The following ITPR1 variants were observed in gnomAD, a reference collection of about 807,000 sequenced individuals.
ITPR1 encodes inositol 1,4,5-trisphosphate-gated calcium channel ITPR1.
A neutral mutation model predicts 318.4 loss-of-function variants in ITPR1; 96 were observed. That is an observed-to-expected ratio of 0.30 (90% confidence interval 0.26 to 0.36). The LOEUF (loss-of-function observed/expected upper bound fraction) is 0.36, where lower values mean the gene tolerates loss of function less well. ITPR1 is among the 10% of genes least tolerant of loss of function. The pLI is 1.00. For synonymous variants in ITPR1, 1,312 were observed against 1,289.9 expected (o/e 1.02, Z -0.37); for missense variants, 2,440 against 3,460.2 (o/e 0.71, Z 7.40).
rs1391764910 is a variant in ITPR1, at chr3:4,745,486, G to A, written c.5544+10132G>A. ...GGTTTCAGGTTAGTCACTCCCTTAT[G>A]GCTTAATGCTGTGCTATTTCTGTGC... On this transcript the variant is annotated intron_variant, in intron 44 of 61. Coordinates refer to ENST00000649015, the MANE Select transcript of ITPR1 (RefSeq NM_001378452.1). Among the ~76,000 whole-genome samples the A allele has an allele frequency of 4.6e-5, 7 of 152,138 alleles. No homozygotes were observed. In the East Asian group the frequency reaches 7.7e-4, roughly 17 times the overall value.
intron 5 of ITPR1, among the ~76,000 whole-genome samples, chr3:4,636,199 TG>T (rs1473467532): frequency 6.6e-6 from 1 of 152,102 alleles, no homozygotes; most frequent in African/African-American, 2.4e-5. Flanking sequence ...TGAACTGAAA[TG>T]AATTAAATTT....
intron 4 of ITPR1, among the ~76,000 whole-genome samples, chr3:4,551,350 G>C (rs2085545327): frequency 6.6e-6 from 1 of 152,142 alleles, no homozygotes; most frequent in Non-Finnish European, 1.5e-5. Flanking sequence ...CCTCACTTTT[G>C]GTGCTGAGAT....
chr3:4,812,465 T>C (rs2049000601), intron 56 of ITPR1, among the ~76,000 whole-genome samples: 1 of 152,190 alleles, frequency 6.6e-6, no homozygotes, highest in South Asian at 2.1e-4. Context: ...AGTGAGCTCA[T>C]GTTATTTTTA....
intron 30 of ITPR1, among the ~76,000 whole-genome samples, chr3:4,687,861 C>T (rs959783559): frequency 2.6e-5 from 4 of 152,106 alleles, no homozygotes; most frequent in African/African-American, 7.2e-5. Flanking sequence ...AGAGGAGTTA[C>T]GGCAGGCACA....
intron 4 of ITPR1, among the ~76,000 whole-genome samples, chr3:4,611,231 C>CAAAAAAA (rs748883296): frequency 1.4e-4 from 14 of 101,014 alleles, no homozygotes; most frequent in African/African-American, 3.7e-4. Flanking sequence ...CTCATCTCTA[C>CAAAAAAA]AAAAAAAAAA....
chr3:4,681,629 G>GTGTGTGTGTGTGTGTA (rs2094302871), intron 26 of ITPR1, among the ~76,000 whole-genome samples: 1 of 142,826 alleles, frequency 7.0e-6, no homozygotes, highest in African/African-American at 2.9e-5. Context: ...GAGAAAGTGT[G>GTGTGTGTGTGTGTGTA]TGTGTGTGTG....
rs542498372 is a variant in ITPR1, at chr3:4,757,554, G to A, written c.5545-8976G>A. 1.4e-3 allele frequency among the ~76,000 whole-genome samples: 207 copies of A among 152,282 alleles called. 2 individuals are homozygous for A. The highest frequency in any genetic ancestry group is 4.5e-3 in the African/African-American group (189 of 41,542). ...GCTCAGGGGAGAGGTGTTTAACAGA[G>A]CATGTGGTTGGGAACAGGGCTGAGG... On this transcript the variant is annotated intron_variant, in intron 44 of 61. Coordinates refer to ENST00000649015, the MANE Select transcript of ITPR1 (RefSeq NM_001378452.1).
At chr3:4,724,492 A>C (rs1312667602) in intron 40 of ITPR1, 1 of 152,184 alleles carries the variant, frequency 6.6e-6, no homozygotes, top group Non-Finnish European at 1.5e-5. Flanking sequence ...AGTGTGCTGG[A>C]GCCCTGTTAG....
intron 2 of ITPR1, among the ~76,000 whole-genome samples, chr3:4,497,285 C>T (rs2080664206): frequency 6.6e-6 from 1 of 152,140 alleles, no homozygotes; most frequent in African/African-American, 2.4e-5. Context: ...TAGTTTAAGG[C>T]ACATGGTGTG....
chr3:4,671,990 G>T (rs998375066), intron 20 of ITPR1, among the ~76,000 whole-genome samples: 2 of 152,150 alleles, frequency 1.3e-5, no homozygotes, highest in African/African-American at 4.8e-5. Context: ...AAGCCATATT[G>T]AATATATCTG....
chr3:4,530,555 G>A (rs2083331325), intron 4 of ITPR1, among the ~76,000 whole-genome samples: 1 of 152,194 alleles, frequency 6.6e-6, no homozygotes, highest in Admixed American at 6.5e-5. Flanking sequence ...AGGCCAAGGC[G>A]GGAGGATGGC....
At chr3:4,726,742 T>C (rs1179884755) in intron 41 of ITPR1, among the ~76,000 whole-genome samples, 1 of 152,250 alleles carries the variant, frequency 6.6e-6, no homozygotes. Flanking sequence ...TCCTTATGCA[T>C]GTGCTGTGCA....
rs766020180 is a variant in ITPR1, at chr3:4,673,122, G to T, written c.2205-14G>T. The stretch of plus-strand genomic sequence containing the variant: ...TCTGGAGCGTGAGCTGTGTGCCCTT[G>T]TTCCTTCCTCTAGATATCAGCTGAA... On this transcript the variant is annotated splice_polypyrimidine_tract_variant and intron_variant, in intron 20 of 61. Coordinates refer to ENST00000649015, the MANE Select transcript of ITPR1 (RefSeq NM_001378452.1). 99 of 1,608,884 alleles carry T rather than the reference G, an allele frequency of 6.2e-5. No homozygotes were observed. Among genetic ancestry groups the T allele is most frequent in the Non-Finnish European group, 8.2e-5 (97 of 1,176,380 alleles).
chr3:4,829,316 A>G (rs921855546), intron 60 of ITPR1, among the ~76,000 whole-genome samples: 13 of 152,224 alleles, frequency 8.5e-5, no homozygotes, highest in African/African-American at 3.1e-4. Flanking sequence ...AAATGTACAG[A>G]ACCTGTGAAA....
chr3:4,658,385 T>C (rs1225035525), intron 13 of ITPR1, 107 bp downstream of exon 13: 6 of 996,074 alleles, frequency 6.0e-6, no homozygotes, highest in Non-Finnish European at 8.7e-6. Context: ...TAGATTTTTA[T>C]AAAGGATTTG....
intron 22 of ITPR1, 129 bp from the exon 23 acceptor site, chr3:4,674,939 A>G (rs1314435329): frequency 1.8e-6 from 1 of 567,482 alleles, no homozygotes; most frequent in African/African-American, 1.9e-5. Flanking sequence ...AAGTGCAAGG[A>G]AAATACATGC....
At chr3:4,706,457 A>AGAT in intron 37 of ITPR1, 106 bp downstream of exon 37, 1 of 991,306 alleles carries the variant, frequency 1.0e-6, no homozygotes, top group Non-Finnish European at 1.5e-6. Context: ...GGCCGTGGGA[A>AGAT]GATGTCGGTG....
chr3:4,766,342 G>T (rs1164186494), intron 44 of ITPR1, among the ~76,000 whole-genome samples, 188 bp from the exon 45 acceptor site: 1 of 152,208 alleles, frequency 6.6e-6, no homozygotes, highest in Non-Finnish European at 1.5e-5. Flanking sequence ...AAGGCTCTGT[G>T]TTGAAAACCC....
Position 4,685,094 on chromosome 3 carries a change from G to A in ITPR1, c.3590G>A (p.Cys1197Tyr). 1 of 1,610,930 alleles carries A rather than the reference G, an allele frequency of 6.2e-7. No individual in the cohort carries two copies. Among genetic ancestry groups the A allele is most frequent in the Non-Finnish European group, 8.5e-7 (1 of 1,178,602 alleles). Residue 1197 changes from cysteine (C) to tyrosine (Y), a missense_variant, in exon 30 of 62, where the codon TGT becomes TAT. This residue lies in a region of ITPR1 where 86 missense variants were observed against 75.6 expected (regional missense o/e 1.14). Coordinates refer to ENST00000649015, the MANE Select transcript of ITPR1 (RefSeq NM_001378452.1). ...KEILIRLSKL[C>Y]VQESASVRKS... ...ATTTTGATTCGGCTTAGCAAACTCT[G>A]TGTTCAAGAGAGTGCCTCAGTGAGA...
Sources: gnomAD v4.1 joint callset for allele counts (sites outside exome capture counted in the v4.1 genomes callset) on GRCh38, gnomAD v4.1.1 for gene constraint, gnomAD v4.1.1 regional missense constraint, MANE v1.5 for transcripts, NCBI Gene and HGNC (gene_info 2026-07-23, HGNC 2026-07-21) for gene names.